The following PAPSS2 variants were observed in gnomAD, a reference collection of about 807,000 sequenced individuals.
PAPSS2 encodes bifunctional 3'-phosphoadenosine 5'-phosphosulfate synthase 2.
Under a neutral mutation model 66.5 loss-of-function variants are expected in PAPSS2, and 61 were observed. The ratio of observed to expected loss-of-function variants is 0.92; its 90% confidence interval spans 0.75 to 1.14. PAPSS2 has a LOEUF of 1.14. Among genes scored for constraint, PAPSS2 ranks in the 50% most tolerant of loss-of-function variants. The pLI is 0.00. For missense variants in PAPSS2, 708 were observed against 789.6 expected (o/e 0.90, Z 1.24); for synonymous variants, 289 against 287.5 (o/e 1.01, Z -0.05).
At chr10:87,703,031 G>A (rs898061297) in intron 1 of PAPSS2, among the ~76,000 whole-genome samples, 1 of 152,174 alleles carries the variant, frequency 6.6e-6, no homozygotes, top group Non-Finnish European at 1.5e-5. Flanking sequence ...CAATGGGAGT[G>A]AGGGGTGAGC....
intron 1 of PAPSS2, among the ~76,000 whole-genome samples, chr10:87,677,937 A>G (rs1852969226): frequency 1.3e-5 from 2 of 152,212 alleles, no homozygotes; most frequent in Non-Finnish European, 2.9e-5. Flanking sequence ...GTAAATAAAG[A>G]TAAGCATTTT....
At chr10:87,686,415 A>G (rs995315451) in intron 1 of PAPSS2, among the ~76,000 whole-genome samples, 1 of 151,160 alleles carries the variant, frequency 6.6e-6, no homozygotes, top group Non-Finnish European at 1.5e-5. Context: ...ATTTAGGAAC[A>G]TCTGAATCCT....
chr10:87,699,711 G>A (rs550405177), intron 1 of PAPSS2, among the ~76,000 whole-genome samples: 147 of 151,790 alleles, frequency 9.7e-4, no homozygotes, highest in Middle Eastern at 3.4e-3. Flanking sequence ...TTAGCTGGGC[G>A]TGGTGGTGTG....
intron 1 of PAPSS2, among the ~76,000 whole-genome samples, chr10:87,671,237 G>C (rs772383955): frequency 6.6e-6 from 1 of 152,106 alleles, no homozygotes; most frequent in Non-Finnish European, 1.5e-5. Flanking sequence ...GAATGCAAAA[G>C]GATCTTTTGA....
intron 7 of PAPSS2, among the ~76,000 whole-genome samples, chr10:87,720,938 A>G (rs1198937546): frequency 6.6e-6 from 1 of 152,190 alleles, no homozygotes; most frequent in Non-Finnish European, 1.5e-5. Context: ...AAATTTAAAA[A>G]TGCAACCTCA....
At chr10:87,711,450 G>A (rs1853461542) in intron 2 of PAPSS2, among the ~76,000 whole-genome samples, 1 of 152,182 alleles carries the variant, frequency 6.6e-6, no homozygotes, top group Non-Finnish European at 1.5e-5. Context: ...AGGACATTCT[G>A]TTATTTCTCT....
chr10:87,713,667 C>CA lies in PAPSS2; in HGVS notation c.381+358dup, dbSNP rs572718381. ...AAAAGGATCTAGTTAAAGAAAAGAG[C>CA]AGTTCATGGCCAAAGCTTCGGGTTC... On this transcript the variant is annotated intron_variant, in intron 3 of 12. Coordinates refer to ENST00000456849, the MANE Select transcript of PAPSS2 (RefSeq NM_001015880.2). Among the ~76,000 whole-genome samples, 19 of 152,274 alleles carry CA rather than the reference C, an allele frequency of 1.2e-4. No homozygotes were observed. In the South Asian group the frequency reaches 2.1e-3, roughly 17 times the overall value.
chr10:87,724,762 G>A (rs1405768823), intron 8 of PAPSS2, among the ~76,000 whole-genome samples: 1 of 146,040 alleles, frequency 6.8e-6, no homozygotes, highest in African/African-American at 2.5e-5. Flanking sequence ...TAATATTTCT[G>A]ATATATATCT....
chr10:87,685,806 C>T (rs1163936284), intron 1 of PAPSS2, among the ~76,000 whole-genome samples: 2 of 152,122 alleles, frequency 1.3e-5, no homozygotes, highest in African/African-American at 4.8e-5. Flanking sequence ...TGTCAGGAGC[C>T]CATGTGAGGC....
chr10:87,683,460 G>T (rs984358462), intron 1 of PAPSS2, among the ~76,000 whole-genome samples: 21 of 152,312 alleles, frequency 1.4e-4, no homozygotes, highest in Admixed American at 1.4e-3. Context: ...TTCTGTGTGT[G>T]CAAGGGAATA....
chr10:87,689,709 A>G (rs965876463), intron 1 of PAPSS2, among the ~76,000 whole-genome samples: 4 of 151,740 alleles, frequency 2.6e-5, no homozygotes, highest in South Asian at 2.1e-4. Context: ...TGGGAAGATT[A>G]CATAATATCT....
At chr10:87,677,989 T>A (rs12254243) in intron 1 of PAPSS2, among the ~76,000 whole-genome samples, 1,632 of 152,288 alleles carry the variant, frequency 0.011, 28 homozygotes, top group African/African-American at 0.037. Context: ...GGAGCAAAGA[T>A]TTAAGCATTG....
rs1385519923 is a variant in PAPSS2, at chr10:87,745,118, T to G, written c.1608T>G (p.His536Gln). Reference sequence around the variant, plus strand: ...AGAAGGATCTGTATGAACCCACTCATGGGGGCAAGGTCTTGAGCATGGCCC... The same window carrying G: ...AGAAGGATCTGTATGAACCCACTCAGGGGGGCAAGGTCTTGAGCATGGCCC... ...ETKKDLYEPT[H>Q]GGKVLSMAPG... is the part of the protein sequence containing the mutation. Residue 536 changes from histidine to glutamine, a missense_variant, in exon 12 of 13, where the codon CAT (histidine) becomes CAG (glutamine). By Grantham distance (24) the His-to-Gln change is conservative (BLOSUM62 0). Transcript: ENST00000456849. 2.5e-6 allele frequency: 4 copies of G among 1,614,002 alleles called. No individual in the cohort carries two copies. The highest frequency in any genetic ancestry group is 3.3e-4 in the Middle Eastern group (2 of 6,084).
intron 1 of PAPSS2, among the ~76,000 whole-genome samples, chr10:87,694,802 A>G (rs1156441605): frequency 1.3e-5 from 2 of 152,246 alleles, no homozygotes; most frequent in Non-Finnish European, 2.9e-5. Context: ...TCAACTGGAA[A>G]AAGAGGTGAT....
chr10:87,691,797 T>A (rs1439848507), intron 1 of PAPSS2, among the ~76,000 whole-genome samples: 4 of 151,994 alleles, frequency 2.6e-5, no homozygotes, highest in Non-Finnish European at 5.9e-5. Context: ...GCAAGGAGAA[T>A]TTTAAAAATT....
At chr10:87,679,272 C>G (rs892629915) in intron 1 of PAPSS2, among the ~76,000 whole-genome samples, 3 of 151,792 alleles carry the variant, frequency 2.0e-5, no homozygotes, top group African/African-American at 7.3e-5. Context: ...TACTAGAGGC[C>G]GGGAAAATTG....
chr10:87,671,373 A>G (rs1324333963), intron 1 of PAPSS2, among the ~76,000 whole-genome samples: 2 of 152,166 alleles, frequency 1.3e-5, no homozygotes, highest in African/African-American at 4.8e-5. Flanking sequence ...GATTTTAGCA[A>G]ATGCTGTTAA....
chr10:87,700,810 CA>C (rs1248426095), intron 1 of PAPSS2, among the ~76,000 whole-genome samples: 4 of 151,498 alleles, frequency 2.6e-5, no homozygotes, highest in Non-Finnish European at 5.9e-5. Context: ...TTCAAACTAC[CA>C]AAAGATATCC....
rs1226435144 is a variant in PAPSS2, at chr10:87,743,573, G to T, written c.1423G>T (p.Val475Phe). The change falls in exon 11 of 13, where the codon GTC becomes TTC. Residue 475 changes from valine to phenylalanine, a missense_variant. Val to Phe is a conservative substitution (Grantham distance 50). Coordinates refer to ENST00000456849, the MANE Select transcript of PAPSS2 (RefSeq NM_001015880.2). Reference protein sequence around the residue: ...KQHAAVLEEGVLDPKSTIVAI... With the variant: ...KQHAAVLEEGFLDPKSTIVAI... ...GCACGCGGCTGTGCTCGAGGAAGGG[G>T]TCCTGGATCCCAAGTCAACCATTGT... The T allele has an allele frequency of 1.2e-6, 2 of 1,614,028 alleles. No homozygotes were observed. The highest frequency in any genetic ancestry group is 1.7e-6 in the Non-Finnish European group (2 of 1,180,018).
Sources: gnomAD v4.1 joint callset for allele counts (sites outside exome capture counted in the v4.1 genomes callset) on GRCh38, gnomAD v4.1.1 for gene constraint, MANE v1.5 for transcripts, NCBI Gene and HGNC (gene_info 2026-07-23, HGNC 2026-07-21) for gene names.